ANKS1B: variants seen among roughly 807,000 people sequenced by gnomAD.
ANKS1B encodes the protein ankyrin repeat and sterile alpha motif domain containing 1B, also known as ankyrin repeat and sterile alpha motif domain-containing protein 1B.
Under a neutral mutation model 148.3 loss-of-function variants are expected in ANKS1B, and 36 were observed. The ratio of observed to expected loss-of-function variants is 0.24; its 90% confidence interval spans 0.19 to 0.32. The LOEUF is 0.32. Ranked by LOEUF, ANKS1B falls within the 10% of genes least tolerant of loss-of-function variation. The pLI, the probability that ANKS1B is intolerant of heterozygous loss-of-function variation, is 1.00. For missense variants in ANKS1B, 1,157 were observed against 1,542.6 expected, an observed-to-expected ratio of 0.75 and a Z score of 4.19; for synonymous variants, 542 against 560.8, an observed-to-expected ratio of 0.97 and a Z score of 0.47.
intron 17 of ANKS1B, among the ~76,000 whole-genome samples, chr12:98,853,107 A>G (rs1470339529): frequency 6.6e-6 from 1 of 152,234 alleles, no homozygotes; most frequent in Admixed American, 6.5e-5. Context: ...GACTGGCAAC[A>G]GCCTCTTTCC....
At chr12:99,037,006 T>G (rs1024165790) in intron 17 of ANKS1B, among the ~76,000 whole-genome samples, 1 of 152,206 alleles carries the variant, frequency 6.6e-6, no homozygotes, top group African/African-American at 2.4e-5. Context: ...TAATGATGCA[T>G]CTTATAATAG....
intron 17 of ANKS1B, among the ~76,000 whole-genome samples, chr12:98,900,879 C>G (rs961831379): frequency 6.6e-6 from 1 of 152,188 alleles, no homozygotes; most frequent in South Asian, 2.1e-4. Context: ...GTGGAACTCT[C>G]TCTGGGCAAC....
intron 9 of ANKS1B, among the ~76,000 whole-genome samples, chr12:99,514,028 T>G (rs979710996): frequency 2.0e-5 from 3 of 152,194 alleles, no homozygotes; most frequent in African/African-American, 7.2e-5. Context: ...ATGATTTCAT[T>G]AAATACATTA....
chr12:99,352,244 G>A (rs1050070075), intron 12 of ANKS1B: 25 of 152,008 alleles, frequency 1.6e-4, no homozygotes, highest in African/African-American at 4.1e-4. Flanking sequence ...TTAGCAAATT[G>A]TTCCAGCTAA....
At chr12:99,933,958 A>T (rs191098638) in intron 1 of ANKS1B, among the ~76,000 whole-genome samples, 72 of 152,226 alleles carry the variant, frequency 4.7e-4, no homozygotes, top group African/African-American at 1.7e-3. Context: ...GGGATGTTGA[A>T]TTTTATCAAA....
chr12:99,271,350 G>T (rs1372832144), intron 12 of ANKS1B, among the ~76,000 whole-genome samples: 3 of 151,980 alleles, frequency 2.0e-5, no homozygotes, highest in Non-Finnish European at 2.9e-5. Context: ...CTCAGGTTTG[G>T]TTAGGTACTA....
At chr12:99,912,551 C>T (rs944832208) in intron 1 of ANKS1B, among the ~76,000 whole-genome samples, 2 of 152,122 alleles carry the variant, frequency 1.3e-5, no homozygotes, top group South Asian at 2.1e-4. Flanking sequence ...AGGGTTTCAC[C>T]GTGTTGGCCA....
chr12:99,023,493 C>T (rs2099946998), intron 17 of ANKS1B, among the ~76,000 whole-genome samples: 1 of 152,006 alleles, frequency 6.6e-6, no homozygotes, highest in Admixed American at 6.6e-5. Context: ...CTTCCTCCTC[C>T]TCCTGCTCTT....
chr12:99,168,106 C>A (rs951881761), intron 14 of ANKS1B, among the ~76,000 whole-genome samples: 1 of 152,156 alleles, frequency 6.6e-6, no homozygotes, highest in Non-Finnish European at 1.5e-5. Context: ...GAATATATTC[C>A]TTTTCTTGAT....
chr12:99,554,569 G>C (rs1158084458), intron 9 of ANKS1B, among the ~76,000 whole-genome samples: 1 of 152,090 alleles, frequency 6.6e-6, no homozygotes. Context: ...TAAGGGATAG[G>C]GTCCCCACTC....
chr12:99,777,584 T>A (rs1389066821), intron 6 of ANKS1B, among the ~76,000 whole-genome samples: 6 of 152,232 alleles, frequency 3.9e-5, no homozygotes, highest in Admixed American at 3.9e-4. Context: ...TTTGTTTGTT[T>A]GTTTTGTTTG....
chr12:99,239,232 T>A (rs114151884), intron 14 of ANKS1B, among the ~76,000 whole-genome samples: 1,656 of 152,246 alleles, frequency 0.011, 39 homozygotes, highest in African/African-American at 0.038. Context: ...AATGACCTGA[T>A]GGAACTGAAA....
chr12:99,238,563 C>T (rs1284836774), intron 14 of ANKS1B, among the ~76,000 whole-genome samples: 2 of 152,202 alleles, frequency 1.3e-5, no homozygotes, highest in African/African-American at 4.8e-5. Context: ...GTGGTTCTCT[C>T]AGCACAGCGT....
At chr12:99,244,580 C>T (rs143058786) in intron 13 of ANKS1B, among the ~76,000 whole-genome samples, 166 bp from the exon 14 acceptor site, 7 of 152,304 alleles carry the variant, frequency 4.6e-5, no homozygotes, top group African/African-American at 1.4e-4. Flanking sequence ...AAACATCTTT[C>T]GGATTGTTTT....
chr12:99,529,630 T>G (rs2096966782), intron 9 of ANKS1B, among the ~76,000 whole-genome samples: 1 of 148,020 alleles, frequency 6.8e-6, no homozygotes, highest in Admixed American at 6.6e-5. Flanking sequence ...ACCAGCCTGG[T>G]GACACAGCAA....
At chr12:99,823,468 G>C (rs921153806) in intron 2 of ANKS1B, among the ~76,000 whole-genome samples, 3 of 152,078 alleles carry the variant, frequency 2.0e-5, no homozygotes, top group Non-Finnish European at 4.4e-5. Context: ...ATCGTGCCCA[G>C]CTAATTTTTG....
chr12:99,154,677 AC>A, intron 14 of ANKS1B: 1 of 1,436,918 alleles, frequency 7.0e-7, no homozygotes, highest in South Asian at 1.5e-5. Flanking sequence ...AGCCCCCAAA[AC>A]CAGGCAGCAG....
At chr12:99,182,715 T>C (rs2079269854) in intron 14 of ANKS1B, among the ~76,000 whole-genome samples, 1 of 152,188 alleles carries the variant, frequency 6.6e-6, no homozygotes, top group East Asian at 1.9e-4. Context: ...GCCCTACTTT[T>C]AGTTTTTTCA....
chr12:99,030,223 A>G (rs1314588626), intron 17 of ANKS1B, among the ~76,000 whole-genome samples: 1 of 152,208 alleles, frequency 6.6e-6, no homozygotes, highest in Non-Finnish European at 1.5e-5. Flanking sequence ...TTTGCTCCCC[A>G]GCAAGTGCAG....
Sources: gnomAD v4.1 joint callset for allele counts (sites outside exome capture counted in the v4.1 genomes callset) on GRCh38, gnomAD v4.1.1 for gene constraint, MANE v1.5 for transcripts, NCBI Gene and HGNC (gene_info 2026-07-23, HGNC 2026-07-21) for gene names.